SORBS2: variants seen among roughly 807,000 people sequenced by gnomAD.
The protein encoded by SORBS2 is sorbin and SH3 domain-containing protein 2.
In SORBS2, 46 loss-of-function variants were observed where a neutral mutation model predicts 97.7. The ratio of observed to expected loss-of-function variants is 0.47; its 90% confidence interval spans 0.37 to 0.60. The LOEUF is 0.60. SORBS2 is among the 20% of genes least tolerant of loss of function. The pLI is 0.00. For synonymous variants in SORBS2, 476 were observed against 473.4 expected (o/e 1.01, Z -0.07); for missense variants, 1,316 against 1,282.3 (o/e 1.03, Z -0.40).
In SORBS2 at chr4:185,714,753, G is replaced by A. The variant is rs146797465; in HGVS notation, c.-197-35931C>T. Among the ~76,000 whole-genome samples, 612 of 152,244 alleles carry A rather than the reference G, an allele frequency of 4.0e-3. 9 individuals carry two copies. Among genetic ancestry groups the A allele is most frequent in the African/African-American group, 0.013 (551 of 41,548 alleles). ...CTCCTTTATAAAACCGTCAGATCTC[G>A]TAGATGTATTCACTACCACGAGAAC... On this transcript the variant is annotated intron_variant, in intron 2 of 20. Transcript: ENST00000284776.
intron 5 of SORBS2, among the ~76,000 whole-genome samples, chr4:185,628,994 T>C (rs1441221613): frequency 6.6e-6 from 1 of 152,220 alleles, no homozygotes; most frequent in Admixed American, 6.5e-5. Flanking sequence ...ACAGTGATAA[T>C]AGCAACAGCA....
intron 1 of SORBS2, among the ~76,000 whole-genome samples, chr4:185,655,044 A>C (rs1392067177): frequency 1.3e-5 from 2 of 152,220 alleles, no homozygotes; most frequent in Non-Finnish European, 2.9e-5. Flanking sequence ...TATTTCACTT[A>C]ACTAGCTGGC....
chr4:185,815,577 G>T (rs2099192783), intron 1 of SORBS2, among the ~76,000 whole-genome samples: 1 of 152,008 alleles, frequency 6.6e-6, no homozygotes, highest in African/African-American at 2.4e-5. Flanking sequence ...TGTTTAGAAG[G>T]ATTTTCAAAC....
At chr4:185,787,944 G>A (rs1425605231) in intron 1 of SORBS2, among the ~76,000 whole-genome samples, 1 of 152,222 alleles carries the variant, frequency 6.6e-6, no homozygotes, top group East Asian at 1.9e-4. Context: ...TGATTTTACA[G>A]GTAAAGCCAT....
chr4:185,879,160 A>C (rs1200073069), intron 1 of SORBS2, among the ~76,000 whole-genome samples: 42 of 82,862 alleles, frequency 5.1e-4, no homozygotes, highest in Admixed American at 1.1e-3. Context: ...TCCTAATGCT[A>C]TCCCTCCCCC....
chr4:185,793,967 G>A (rs911806723), intron 1 of SORBS2, among the ~76,000 whole-genome samples: 2 of 152,104 alleles, frequency 1.3e-5, no homozygotes, highest in African/African-American at 4.8e-5. Context: ...GCCCCTTCCT[G>A]TCCTGCAAAA....
chr4:185,625,185 G>A (rs2096790297), intron 6 of SORBS2, among the ~76,000 whole-genome samples: 1 of 152,024 alleles, frequency 6.6e-6, no homozygotes, highest in Non-Finnish European at 1.5e-5. Context: ...CTTTTATTAG[G>A]TACAAAATTC....
chr4:185,677,197 G>T lies in SORBS2; in HGVS notation c.-46+1226C>A, dbSNP rs376759549. 3.5e-5 allele frequency: 54 copies of T among 1,551,660 alleles called. No homozygotes were observed. The South Asian group carries it at 5.9e-4, about 17-fold the overall frequency. ...ACTGGATTAGGGGTCAGTGAGCGGG[G>T]CCTTTTGAGAAATGACGGTACTTCG... On this transcript the variant is annotated intron_variant, in intron 4 of 20. Coordinates refer to the SORBS2 transcript ENST00000284776.
At chr4:185,676,890 T>C in intron 4 of SORBS2, 1 of 871,184 alleles carries the variant, frequency 1.1e-6, no homozygotes, top group Non-Finnish European at 1.7e-6. Context: ...CCCTTCCTGC[T>C]TGGAAACTAA....
Position 185,638,858 on chromosome 4 carries a change from A to C in SORBS2, c.396+7810T>G, listed in dbSNP as rs1179939216. ...ACCTCTGCCGGGCATGAAGAAAGGT[A>C]AGGAAGGAAGGAGCTCACCCGGGTG... On this transcript the variant is annotated intron_variant, in intron 4 of 14. Transcript: ENST00000418609. 6.9e-7 allele frequency: 1 copy of C among 1,441,590 alleles called. No individual in the cohort carries two copies. The highest frequency in any genetic ancestry group is 9.1e-7 in the Non-Finnish European group (1 of 1,102,426). The allele number at this position is 1,441,590 out of a possible 1,614,324, so 89.3% of individuals were successfully genotyped here. A position where few individuals can be genotyped will look rare whatever the true frequency, so the allele number is the denominator to read the frequency against.
intron 14 of SORBS2, chr4:185,588,240 C>T (rs2095833965): frequency 6.6e-6 from 1 of 152,228 alleles, no homozygotes; most frequent in Non-Finnish European, 1.5e-5. Flanking sequence ...AGTCCTTCAT[C>T]GAGTATACAA....
chr4:185,618,883 G>A (rs2096667134), intron 8 of SORBS2, among the ~76,000 whole-genome samples: 1 of 152,154 alleles, frequency 6.6e-6, no homozygotes, highest in African/African-American at 2.4e-5. Context: ...ATGTTATAAT[G>A]AGAGAATAAA....
intron 2 of SORBS2, among the ~76,000 whole-genome samples, chr4:185,718,481 G>A (rs2098484258): frequency 6.6e-6 from 1 of 152,200 alleles, no homozygotes; most frequent in African/African-American, 2.4e-5. Context: ...GAAAGCAGGA[G>A]AGTTCAAGGA....
chr4:185,658,707 T>TA (rs1281738776), upstream of SORBS2, among the ~76,000 whole-genome samples: 4 of 150,350 alleles, frequency 2.7e-5, no homozygotes, highest in African/African-American at 9.8e-5. Flanking sequence ...TTTTTTTTTT[T>TA]TTGAGATGGA....
chr4:185,702,958 T>C (rs2098286060), intron 2 of SORBS2, among the ~76,000 whole-genome samples: 1 of 152,136 alleles, frequency 6.6e-6, no homozygotes, highest in African/African-American at 2.4e-5. Flanking sequence ...TAATGACTCA[T>C]TCACATATTA....
At position 185,623,802 on chromosome 4, in the gene SORBS2, GT is replaced by G; in HGVS notation, c.1326del (p.Pro443ArgfsTer75). ...CTCTTGGGACATAGGCCATTTTGCGGTGGTTCTAGGGTTACGGGAGACAGCA... is the reference window on the plus strand; with the variant it reads ...CTCTTGGGACATAGGCCATTTTGCGGGGTTCTAGGGTTACGGGAGACAGCA... On this transcript the variant is annotated frameshift_variant, in exon 7 of 15. Coordinates refer to ENST00000418609, the Ensembl canonical transcript of SORBS2. LOFTEE classifies it high-confidence loss of function. This position sits in a 1 kb window ranked among gnomAD's most constrained non-coding sequence, Gnocchi z 6.4. 1.2e-6 allele frequency: 2 copies of G among 1,614,202 alleles called. No homozygotes were observed. The highest frequency in any genetic ancestry group is 1.7e-6 in the Non-Finnish European group (2 of 1,180,048).
chr4:185,914,361 A>G (rs78337521), intron 1 of SORBS2, among the ~76,000 whole-genome samples: 1,949 of 152,290 alleles, frequency 0.013, 43 homozygotes, highest in African/African-American at 0.044. Flanking sequence ...TTACAGTAGC[A>G]TTTCCTCATT....
chr4:185,642,404 A>T (rs1581639469), intron 4 of SORBS2, among the ~76,000 whole-genome samples: 2 of 148,854 alleles, frequency 1.3e-5, no homozygotes, highest in Admixed American at 6.7e-5. Context: ...TGCTTTATTA[A>T]TTTTTTTTTT....
intron 1 of SORBS2, among the ~76,000 whole-genome samples, chr4:185,868,153 TTC>T (rs1434702261): frequency 1.0e-5 from 1 of 99,818 alleles, no homozygotes; most frequent in Non-Finnish European, 2.0e-5. Flanking sequence ...TTTTCTTTTT[TTC>T]TTTCTTTTTT....
Sources: allele counts gnomAD v4.1 joint callset (sites outside exome capture counted in the v4.1 genomes callset), GRCh38; gene constraint gnomAD v4.1.1; non-coding constraint Gnocchi (gnomAD v3.1); transcripts MANE v1.5; gene names NCBI Gene and HGNC (gene_info 2026-07-23, HGNC 2026-07-21).